Variants in SNX29 observed in about 807,000 individuals in gnomAD.
The protein encoded by SNX29 is sorting nexin-29.
SNX29 carries 78 observed loss-of-function variants against 102.1 expected under a neutral mutation model. That is an observed-to-expected ratio of 0.76 (90% CI 0.64 to 0.92). The LOEUF (loss-of-function observed/expected upper bound fraction) is 0.92, where lower values mean the gene tolerates loss of function less well. Ranked by LOEUF, SNX29 falls within the 40% of genes least tolerant of loss-of-function variation. The pLI, the probability that SNX29 is intolerant of heterozygous loss-of-function variation, is 0.00. For missense variants in SNX29, 1,280 were observed against 1,061.7 expected (o/e 1.21, Z -2.86); for synonymous variants, 580 against 414.5 (o/e 1.40, Z -4.85).
chr16:12,416,315 G>C (rs969278528), intron 18 of SNX29, among the ~76,000 whole-genome samples: 1 of 152,180 alleles, frequency 6.6e-6, no homozygotes, highest in Non-Finnish European at 1.5e-5. Flanking sequence ...GGTCATTGCA[G>C]AGTCACAGTT....
intron 11 of SNX29, chr16:12,093,699 G>A (rs762831357): frequency 1.3e-5 from 2 of 152,190 alleles, no homozygotes; most frequent in Non-Finnish European, 2.9e-5. Context: ...TATCCCCTTG[G>A]TGGATTCCTG....
intron 13 of SNX29, among the ~76,000 whole-genome samples, chr16:12,175,200 T>G (rs189727991): frequency 2.6e-5 from 4 of 152,350 alleles, no homozygotes; most frequent in Admixed American, 6.5e-5. Flanking sequence ...CAGGCAAATT[T>G]GGCCCCTGGC....
At chr16:12,449,406 G>C (rs2086204064) in intron 18 of SNX29, among the ~76,000 whole-genome samples, 1 of 152,030 alleles carries the variant, frequency 6.6e-6, no homozygotes, top group African/African-American at 2.4e-5. Flanking sequence ...GTGTGAGCTT[G>C]GAGTGAGCTG....
chr16:12,338,646 G>A (rs2081523577), intron 15 of SNX29, among the ~76,000 whole-genome samples: 1 of 152,198 alleles, frequency 6.6e-6, no homozygotes, highest in East Asian at 1.9e-4. Flanking sequence ...AGAACACACA[G>A]CCCATACTAT....
chr16:12,358,813 A>G (rs980974960), intron 16 of SNX29, among the ~76,000 whole-genome samples: 4 of 152,232 alleles, frequency 2.6e-5, no homozygotes, highest in African/African-American at 9.6e-5. Flanking sequence ...TAAAAGGCCC[A>G]GGAAGACAGG....
intron 20 of SNX29, among the ~76,000 whole-genome samples, chr16:12,547,563 A>C (rs2077686605): frequency 6.6e-6 from 1 of 152,034 alleles, no homozygotes; most frequent in African/African-American, 2.4e-5. Context: ...TGTGGTTAAC[A>C]TCCCCCTCCC....
intron 11 of SNX29, among the ~76,000 whole-genome samples, chr16:12,079,770 G>A (rs1191122255): frequency 6.6e-6 from 1 of 152,158 alleles, no homozygotes; most frequent in East Asian, 1.9e-4. Context: ...ATCAGAGACC[G>A]GGACTCCTCC....
At chr16:11,999,391 C>A in intron 2 of SNX29, 33 bp downstream of exon 2, 3 of 1,607,840 alleles carry the variant, frequency 1.9e-6, no homozygotes, top group South Asian at 2.2e-5. Flanking sequence ...CCTTTTTGGT[C>A]GAGTAATAGT....
At chr16:12,290,232 T>C (rs1214469852) in intron 15 of SNX29, among the ~76,000 whole-genome samples, 1 of 152,258 alleles carries the variant, frequency 6.6e-6, no homozygotes, top group Non-Finnish European at 1.5e-5. Context: ...TCTTCAGTCA[T>C]GCTTCTTACC....
chr16:12,415,414 A>G (rs1208994566), intron 18 of SNX29, among the ~76,000 whole-genome samples: 1 of 152,188 alleles, frequency 6.6e-6, no homozygotes, highest in Admixed American at 6.5e-5. Flanking sequence ...AGCATTTCTG[A>G]TGTATTTGGA....
rs1449230904 is a variant in SNX29 at position 12,571,962 on chromosome 16, C to G, written c.*3333C>G. On this transcript the variant is annotated 3_prime_UTR_variant, in exon 21 of 21. Transcript: ENST00000566228. Reference sequence around the variant, plus strand: ...CTTTCAGGGAAGAGGCTCTTACAGTCTATGGTGGTAGCCATCTTCACATCC... The same window carrying G: ...CTTTCAGGGAAGAGGCTCTTACAGTGTATGGTGGTAGCCATCTTCACATCC... 5.7e-6 allele frequency: 6 copies of G among 1,061,730 alleles called. No individual in the cohort carries two copies. The highest frequency in any genetic ancestry group is 1.6e-5 in the African/African-American group (1 of 60,856). 65.8% of individuals were successfully genotyped at this position (1,061,730 alleles called of 1,614,324 possible).
intron 19 of SNX29, among the ~76,000 whole-genome samples, chr16:12,514,591 A>G (rs2089778864): frequency 6.6e-6 from 1 of 152,070 alleles, no homozygotes; most frequent in African/African-American, 2.4e-5. Flanking sequence ...TTGGCCAGAC[A>G]TGGTGGCTCA....
At chr16:12,297,924 C>G (rs139948183) in intron 15 of SNX29, among the ~76,000 whole-genome samples, 1 of 152,188 alleles carries the variant, frequency 6.6e-6, no homozygotes, top group Non-Finnish European at 1.5e-5. Flanking sequence ...AATCCCAGCA[C>G]TTTAGGAGGC....
chr16:12,519,942 C>A (rs1307425965), intron 19 of SNX29, among the ~76,000 whole-genome samples: 1 of 152,024 alleles, frequency 6.6e-6, no homozygotes, highest in Non-Finnish European at 1.5e-5. Context: ...AGGGATTGCA[C>A]CACTGCACTC....
chr16:12,151,898 G>A (rs778806858), intron 13 of SNX29, among the ~76,000 whole-genome samples: 1 of 152,058 alleles, frequency 6.6e-6, no homozygotes, highest in African/African-American at 2.4e-5. Flanking sequence ...ACCATGCCTG[G>A]CCAATTTTTG....
intron 19 of SNX29, among the ~76,000 whole-genome samples, chr16:12,506,184 C>T (rs1485453773): frequency 6.6e-6 from 1 of 152,216 alleles, no homozygotes; most frequent in African/African-American, 2.4e-5. Flanking sequence ...TGGTCTTGAA[C>T]TCCTGACCTC....
At chr16:12,243,404 C>T (rs1010953245) in intron 14 of SNX29, among the ~76,000 whole-genome samples, 5 of 152,184 alleles carry the variant, frequency 3.3e-5, no homozygotes, top group African/African-American at 1.2e-4. Flanking sequence ...ATGTCTCCTG[C>T]AGTTGGTAAG....
chr16:12,515,854 A>G (rs1012581234), intron 19 of SNX29, among the ~76,000 whole-genome samples: 4 of 152,084 alleles, frequency 2.6e-5, no homozygotes, highest in Non-Finnish European at 5.9e-5. Context: ...GAGTGCCAGT[A>G]ACCAGCCTGG....
At chr16:12,474,933 G>A (rs943320959) in intron 18 of SNX29, among the ~76,000 whole-genome samples, 2 of 152,234 alleles carry the variant, frequency 1.3e-5, no homozygotes, top group African/African-American at 4.8e-5. Flanking sequence ...CCATCTGGAT[G>A]TGACCTTTTG....
Sources: allele counts gnomAD v4.1 joint callset (sites outside exome capture counted in the v4.1 genomes callset), GRCh38; gene constraint gnomAD v4.1.1; transcripts MANE v1.5; gene names NCBI Gene and HGNC (gene_info 2026-07-23, HGNC 2026-07-21).